Variants in KIF18A observed in about 807,000 individuals in gnomAD.
KIF18A encodes the protein kinesin-like protein KIF18A.
In KIF18A, 67 loss-of-function variants were observed where a neutral mutation model predicts 103.3. The observed-to-expected ratio is 0.65, with a 90% CI of 0.53 to 0.79. The LOEUF (loss-of-function observed/expected upper bound fraction) is 0.79, where lower values mean the gene tolerates loss of function less well. KIF18A is among the 30% of genes least tolerant of loss of function. KIF18A has a pLI of 0.00. For missense variants in KIF18A, 1,032 were observed against 1,062.5 expected, an observed-to-expected ratio of 0.97 and a Z score of 0.40; for synonymous variants, 367 against 355.5, an observed-to-expected ratio of 1.03 and a Z score of -0.36.
intron 13 of KIF18A, among the ~76,000 whole-genome samples, chr11:28,045,055 T>C (rs1027387694): frequency 6.6e-6 from 1 of 152,044 alleles, no homozygotes; most frequent in African/African-American, 2.4e-5. Context: ...CCATTCACTA[T>C]CTCTCAAATG....
intron 11 of KIF18A, among the ~76,000 whole-genome samples, chr11:28,064,822 C>A (rs1850897957): frequency 6.6e-6 from 1 of 151,974 alleles, no homozygotes; most frequent in Non-Finnish European, 1.5e-5. Flanking sequence ...ATTTTGAGAA[C>A]TATAAGTAGG....
intron 10 of KIF18A, among the ~76,000 whole-genome samples, chr11:28,072,536 C>G (rs773869681): frequency 2.6e-5 from 4 of 152,086 alleles, no homozygotes; most frequent in Non-Finnish European, 5.9e-5. Flanking sequence ...TTTGACACTT[C>G]TGTGTAAAAA....
chr11:28,036,495 T>G lies in KIF18A; in HGVS notation c.2118A>C (p.Thr706=). The G allele has an allele frequency of 6.2e-7, 1 of 1,611,330 alleles. No individual in the cohort carries two copies. Among genetic ancestry groups the G allele is most frequent in the Non-Finnish European group, 8.5e-7 (1 of 1,178,252 alleles). Residue 706 remains threonine (T), a synonymous_variant, in exon 14 of 17, where the codon ACA becomes ACC. Coordinates refer to ENST00000263181, the MANE Select transcript of KIF18A (RefSeq NM_031217.4). ...GAAAAGCTTTTCTACAGTCTTCTGG[T>G]GTATATACAATAGGCTGAAGTTCTT... ...LSKELQPIVY[T]PEDCRKAFQN...
intron 1 of KIF18A, among the ~76,000 whole-genome samples, chr11:28,107,667 C>T (rs1851549379): frequency 6.6e-6 from 1 of 152,138 alleles, no homozygotes; most frequent in Admixed American, 6.5e-5. Context: ...AGGTAAGCCC[C>T]TGGGTACGCT....
intron 11 of KIF18A, among the ~76,000 whole-genome samples, chr11:28,066,221 A>G (rs527677600): frequency 2.0e-5 from 3 of 152,220 alleles, no homozygotes; most frequent in Admixed American, 2.0e-4. Flanking sequence ...ACTATTAAAT[A>G]ATAAGTGAAA....
At position 28,074,195 on chromosome 11, in the gene KIF18A, A is replaced by G. The variant is rs528415887; in HGVS notation, c.1425+2812T>C. 4.9e-3 allele frequency among the ~76,000 whole-genome samples: 738 copies of G among 152,130 alleles called. 11 individuals are homozygous for G. The highest frequency in any genetic ancestry group is 0.017 in the African/African-American group (714 of 41,554). ...AAAAAATAAAGAAAAGAAGAAAAAC[A>G]TCTTAAAAATTTGAAATAAAATATA... On this transcript the variant is annotated intron_variant, in intron 10 of 16. Coordinates refer to ENST00000263181, the MANE Select transcript of KIF18A (RefSeq NM_031217.4).
At chr11:28,079,892 C>G (rs1165764124) in intron 9 of KIF18A, among the ~76,000 whole-genome samples, 1 of 152,026 alleles carries the variant, frequency 6.6e-6, no homozygotes, top group African/African-American at 2.4e-5. Flanking sequence ...GGAAAAAGTA[C>G]TTTTGCATAC....
chr11:28,024,191 TAAA>T (rs60587483), intron 15 of KIF18A, among the ~76,000 whole-genome samples: 5 of 111,054 alleles, frequency 4.5e-5, no homozygotes, highest in Admixed American at 9.6e-5. Flanking sequence ...CACAAGAGGT[TAAA>T]AAAAAAAAAA....
chr11:28,091,140 A>AC (rs1316949259), intron 4 of KIF18A, among the ~76,000 whole-genome samples: 338 of 146,318 alleles, frequency 2.3e-3, no homozygotes, highest in East Asian at 0.013. Flanking sequence ...ATAAATAAAT[A>AC]AATAAATAAA....
At chr11:28,070,067 A>T (rs1315214916) in intron 10 of KIF18A, among the ~76,000 whole-genome samples, 2 of 152,140 alleles carry the variant, frequency 1.3e-5, no homozygotes, top group African/African-American at 4.8e-5. Flanking sequence ...TCATGAAAAC[A>T]ATGGGCCAGA....
intron 10 of KIF18A, among the ~76,000 whole-genome samples, chr11:28,070,366 G>A (rs1271712049): frequency 1.3e-5 from 2 of 152,190 alleles, no homozygotes; most frequent in Non-Finnish European, 2.9e-5. Flanking sequence ...TAGAGGATAT[G>A]AGCTTATAAA....
chr11:28,062,331 A>T, intron 12 of KIF18A, 64 bp downstream of exon 12: 1 of 1,436,684 alleles, frequency 7.0e-7, no homozygotes, highest in Non-Finnish European at 9.3e-7. Flanking sequence ...GGCAGTGGAA[A>T]ATTGAACTTC....
At position 28,088,736 on chromosome 11, in the gene KIF18A, A is replaced by T. The variant is rs1315689503; in HGVS notation, c.700-15T>A. 2 of 1,584,226 alleles carry T rather than the reference A, an allele frequency of 1.3e-6. No homozygotes were observed. Among genetic ancestry groups the T allele is most frequent in the Admixed American group, 3.4e-5 (2 of 58,894 alleles). ...CGCAAGTAAATCTTTTTGAAATTAC[A>T]AAATAGAAAAAAATGAGGATAAGAT... On this transcript the variant is annotated splice_polypyrimidine_tract_variant and intron_variant, in intron 5 of 16. Coordinates refer to ENST00000263181, the MANE Select transcript of KIF18A (RefSeq NM_031217.4).
intron 15 of KIF18A, among the ~76,000 whole-genome samples, chr11:28,028,301 A>C (rs966804859): frequency 4.6e-5 from 7 of 152,166 alleles, no homozygotes; most frequent in Admixed American, 1.3e-4. Flanking sequence ...CAGCAAATAT[A>C]AAAGAACAGA....
chr11:28,106,199 C>T (rs535670666), intron 1 of KIF18A, among the ~76,000 whole-genome samples: 1 of 152,320 alleles, frequency 6.6e-6, no homozygotes, highest in Admixed American at 6.5e-5. Context: ...AAAACACAAA[C>T]TCCTTAACGG....
At position 28,080,322 on chromosome 11, in the gene KIF18A, T is replaced by C. The variant is rs1231517340; in HGVS notation, c.1262+2534A>G. Among the ~76,000 whole-genome samples, 9 of 151,670 alleles carry C rather than the reference T, an allele frequency of 5.9e-5. No homozygotes were observed. In the Admixed American group the frequency reaches 5.9e-4, roughly 10 times the overall value. On this transcript the variant is annotated intron_variant, in intron 9 of 16. Transcript: ENST00000263181. ...TTGAGAATATATATACAGGCATACC[T>C]TGTTTTATTGTGCTTTGCAGACACT...
intron 11 of KIF18A, 90 bp downstream of exon 11, chr11:28,069,169 T>C: frequency 2.0e-6 from 2 of 989,588 alleles, no homozygotes; most frequent in Non-Finnish European, 3.1e-6. Context: ...ATAGTTGTCT[T>C]ATGAAAGACA....
chr11:28,025,263 C>A lies in KIF18A; in HGVS notation c.2505-1413G>T, dbSNP rs60344141. Among the ~76,000 whole-genome samples the A allele has an allele frequency of 2.1e-3, 321 of 151,938 alleles. 3 individuals carry two copies. Among genetic ancestry groups the A allele is most frequent in the African/African-American group, 7.6e-3 (314 of 41,444 alleles). On this transcript the variant is annotated intron_variant, in intron 15 of 16. Coordinates refer to ENST00000263181, the MANE Select transcript of KIF18A (RefSeq NM_031217.4). ...AATATTATATCAACTACAGTAGTCC[C>A]CACTTCTTAAATGGTGATAAATTAC...
chr11:28,078,410 T>A (rs2133548443), intron 9 of KIF18A, among the ~76,000 whole-genome samples: 1 of 152,310 alleles, frequency 6.6e-6, no homozygotes, highest in Middle Eastern at 3.4e-3. Context: ...TTTCTATAAC[T>A]TTTTATTCAA....
Sources: gnomAD v4.1 joint callset for allele counts (sites outside exome capture counted in the v4.1 genomes callset) on GRCh38, gnomAD v4.1.1 for gene constraint, MANE v1.5 for transcripts, NCBI Gene and HGNC (gene_info 2026-07-23, HGNC 2026-07-21) for gene names.